VWA3A: variants seen among roughly 807,000 people sequenced by gnomAD.
VWA3A encodes the protein von Willebrand factor A domain containing 3A, also known as von Willebrand factor A domain-containing protein 3A.
A neutral mutation model predicts 160.4 loss-of-function variants in VWA3A; 134 were observed. The observed-to-expected ratio is 0.84, with a 90% confidence interval of 0.73 to 0.96. VWA3A has a LOEUF of 0.96. VWA3A is among the 40% of genes least tolerant of loss of function. The pLI is 0.00. For missense variants in VWA3A, 1,310 were observed against 1,447.9 expected (o/e 0.90, Z 1.55); for synonymous variants, 476 against 543.4 (o/e 0.88, Z 1.72).
At chr16:22,140,279 A>C in intron 23 of VWA3A, 35 bp downstream of exon 23, 1 of 1,601,216 alleles carries the variant, frequency 6.2e-7, no homozygotes, top group Non-Finnish European at 8.5e-7. Flanking sequence ...GGGTGGAGGG[A>C]TGTCACGGTC....
At chr16:22,127,615 A>C (rs181696641) in intron 17 of VWA3A, among the ~76,000 whole-genome samples, 71 of 152,326 alleles carry the variant, frequency 4.7e-4, no homozygotes, top group Non-Finnish European at 8.8e-4. Context: ...TCATTCCTTA[A>C]TAAACTCTAT....
At chr16:22,126,358 G>A (rs2045850523) in intron 17 of VWA3A, 61 bp downstream of exon 17, 2 of 1,577,096 alleles carry the variant, frequency 1.3e-6, no homozygotes, top group Admixed American at 1.9e-5. Context: ...TGCCGTCATT[G>A]GGCTGAGGCT....
At chr16:22,148,372 G>T in intron 28 of VWA3A, 66 bp downstream of exon 28, 2 of 1,518,064 alleles carry the variant, frequency 1.3e-6, no homozygotes. Context: ...GGCCAAGCAC[G>T]CCCCCTCTTC....
intron 1 of VWA3A, among the ~76,000 whole-genome samples, chr16:22,095,908 C>G (rs941382950): frequency 6.6e-6 from 1 of 152,116 alleles, no homozygotes; most frequent in Non-Finnish European, 1.5e-5. Context: ...TCCACACTTT[C>G]CACAATTTGT....
intron 31 of VWA3A, among the ~76,000 whole-genome samples, chr16:22,154,048 T>C (rs2046393869): frequency 6.6e-6 from 1 of 152,150 alleles, no homozygotes; most frequent in Non-Finnish European, 1.5e-5. Flanking sequence ...TGGCATAATC[T>C]TTGAAGCCTG....
Position 22,100,278 on chromosome 16 carries a change from C to G in VWA3A, c.310C>G (p.Leu104Val), listed in dbSNP as rs2045388019. Reference sequence around the variant, plus strand: ...GGCTCACAGTTTAAAATGTCAGAAACTCACCTTGGCTGACCTGATAAGCCA... The same window carrying G: ...GGCTCACAGTTTAAAATGTCAGAAAGTCACCTTGGCTGACCTGATAAGCCA... ...LSAHSLKCQK[L>V]TLADLISQGT... Residue 104 changes from leucine to valine, a missense_variant, in exon 4 of 34, where the codon CTC becomes GTC. Physicochemically the swap from Leu to Val is conservative, Grantham distance 32 (BLOSUM62 1). Coordinates refer to ENST00000389398, the MANE Select transcript of VWA3A (RefSeq NM_173615.5). The G allele has an allele frequency of 6.4e-7, 1 of 1,551,376 alleles. No individual in the cohort carries two copies. The highest frequency in any genetic ancestry group is 1.4e-5 in the African/African-American group (1 of 72,978).
Position 22,126,163 on chromosome 16 carries a change from C to A in VWA3A, c.1533-15C>A. The A allele has an allele frequency of 6.2e-7, 1 of 1,613,098 alleles. No homozygotes were observed. The highest frequency in any genetic ancestry group is 8.5e-7 in the Non-Finnish European group (1 of 1,179,570). On this transcript the variant is annotated splice_polypyrimidine_tract_variant and intron_variant, in intron 16 of 33. Coordinates refer to ENST00000389398, the MANE Select transcript of VWA3A (RefSeq NM_173615.5). ...GAGATTCGGTTCTCCTCTTAAAGCT[C>A]GTGTTTCCTTTTAGGGTGGTTGTAC...
At chr16:22,122,601 G>A (rs938376485) in intron 14 of VWA3A, among the ~76,000 whole-genome samples, 1 of 152,160 alleles carries the variant, frequency 6.6e-6, no homozygotes, top group Non-Finnish European at 1.5e-5. Flanking sequence ...TAGATGGATG[G>A]AGTGATAGAT....
chr16:22,137,815 G>C (rs960068393), intron 21 of VWA3A, among the ~76,000 whole-genome samples: 1 of 152,214 alleles, frequency 6.6e-6, no homozygotes, highest in Non-Finnish European at 1.5e-5. Context: ...GCTGGAATTC[G>C]GGTCTGAAAA....
In VWA3A at chr16:22,123,696, C is replaced by A; in HGVS notation, c.1521C>A (p.Val507=). The change falls in exon 16 of 34, where the codon GTC becomes GTA. Residue 507 remains valine (V), a synonymous_variant. Transcript: ENST00000389398. Reference sequence around the variant, plus strand: ...CCAGCAGAAGAATCTGGGGCACAGTCTGTGAAAAAAGGTACCTTTCTTAAG... The same window carrying A: ...CCAGCAGAAGAATCTGGGGCACAGTATGTGAAAAAAGGTACCTTTCTTAAG... ...SLASRRIWGT[V]CEKRVVVLLD... The A allele has an allele frequency of 6.2e-7, 1 of 1,612,838 alleles. No homozygotes were observed. The highest frequency in any genetic ancestry group is 8.5e-7 in the Non-Finnish European group (1 of 1,179,486).
chr16:22,117,279 C>G (rs965514547), intron 11 of VWA3A, 103 bp downstream of exon 11: 1 of 1,196,604 alleles, frequency 8.4e-7, no homozygotes, highest in Non-Finnish European at 1.2e-6. Flanking sequence ...ATACTTGTTT[C>G]TCCTTTTCTC....
At chr16:22,140,592 C>A (rs551586739) in intron 23 of VWA3A, among the ~76,000 whole-genome samples, 16 of 150,936 alleles carry the variant, frequency 1.1e-4, no homozygotes, top group African/African-American at 3.6e-4. Flanking sequence ...AGTGACAGAG[C>A]AAGACCCTGT....
intron 14 of VWA3A, 43 bp downstream of exon 14, chr16:22,121,660 C>A: frequency 6.8e-7 from 1 of 1,470,460 alleles, no homozygotes. Context: ...CACAGGAGAG[C>A]TCCCTTGTGG....
rs753313649 is a variant in VWA3A at position 22,138,424 on chromosome 16, C to T, written c.2204C>T (p.Pro735Leu). The T allele has an allele frequency of 1.4e-5, 22 of 1,612,332 alleles. No homozygotes were observed. The highest frequency in any genetic ancestry group is 7.7e-5 in the South Asian group (7 of 90,692). ...SGKVLGSSALPKEKPKTLQLR... is the reference protein window; with the variant it reads ...SGKVLGSSALLKEKPKTLQLR... ...AAAGTACTGGGAAGTTCAGCCCTCC[C>T]GAAAGAAAAACCAAAGACACTTCAG... Residue 735 changes from proline to leucine, a missense_variant, in exon 22 of 34, where the codon CCG becomes CTG. Pro to Leu is a moderately conservative substitution (Grantham distance 98). Transcript: ENST00000389398.
intron 32 of VWA3A, 61 bp from the exon 33 acceptor site, chr16:22,155,790 C>T: frequency 6.2e-7 from 1 of 1,612,410 alleles, no homozygotes; most frequent in Non-Finnish European, 8.5e-7. Flanking sequence ...CCTGCTTCTC[C>T]CAGCCAGCCC....
intron 6 of VWA3A, among the ~76,000 whole-genome samples, chr16:22,105,754 T>C (rs188685134): frequency 4.6e-5 from 7 of 152,240 alleles, no homozygotes; most frequent in Admixed American, 2.6e-4. Flanking sequence ...AGGGAATGAA[T>C]GTTTTCAATT....
intron 21 of VWA3A, among the ~76,000 whole-genome samples, chr16:22,136,726 T>C (rs1399056031): frequency 1.3e-5 from 2 of 152,092 alleles, no homozygotes; most frequent in Non-Finnish European, 1.5e-5. Flanking sequence ...GGGACCCTTT[T>C]GGTGCTTTTA....
At chr16:22,118,468 A>G (rs1046868774) in intron 11 of VWA3A, among the ~76,000 whole-genome samples, 1 of 151,902 alleles carries the variant, frequency 6.6e-6, no homozygotes, top group Non-Finnish European at 1.5e-5. Context: ...GGCAGATCAC[A>G]AGGTCAGGAG....
intron 13 of VWA3A, 138 bp from the exon 14 acceptor site, chr16:22,121,376 T>C: frequency 1.2e-6 from 1 of 804,000 alleles, no homozygotes; most frequent in South Asian, 1.7e-5. Flanking sequence ...CCCAGGAGTT[T>C]GAGGATGCAG....
Sources: allele counts gnomAD v4.1 joint callset (sites outside exome capture counted in the v4.1 genomes callset), GRCh38; gene constraint gnomAD v4.1.1; transcripts MANE v1.5; gene names NCBI Gene and HGNC (gene_info 2026-07-23, HGNC 2026-07-21).